TCHP: variants seen among roughly 807,000 people sequenced by gnomAD.
TCHP encodes the protein trichoplein keratin filament-binding protein.
In TCHP, 81 loss-of-function variants were observed where a neutral mutation model predicts 88.7. That is an observed-to-expected ratio of 0.91 (90% CI 0.76 to 1.10). The LOEUF is 1.10. Ranked by LOEUF, TCHP falls within the 50% of genes least tolerant of loss-of-function variation. The probability of loss-of-function intolerance (pLI) is 0.00; values close to 1 mark genes in which losing one functional copy is unlikely to be tolerated. For missense variants in TCHP, 641 were observed against 632.1 expected (o/e 1.01, Z -0.15); for synonymous variants, 232 against 232.5 (o/e 1.00, Z 0.02).
chr12:109,896,983 A>G (rs144241873), upstream of TCHP, among the ~76,000 whole-genome samples: 365 of 152,280 alleles, frequency 2.4e-3, 2 homozygotes, highest in African/African-American at 8.5e-3. Context: ...CATACAAGGC[A>G]TGGCATGGGG....
the TCHP span, among the ~76,000 whole-genome samples, chr12:109,883,555 G>C: frequency 6.6e-6 from 1 of 151,708 alleles, no homozygotes; most frequent in Non-Finnish European, 1.5e-5. Flanking sequence ...TCACTACCTC[G>C]AGCATCCTAT....
At chr12:109,883,120 A>G in the TCHP span, among the ~76,000 whole-genome samples, 1 of 149,984 alleles carries the variant, frequency 6.7e-6, no homozygotes, top group Admixed American at 6.6e-5. Flanking sequence ...TGCAGCCTCA[A>G]CCTTCTGGGC....
At chr12:109,898,715 TGTCCTGAGCTCAA>T (rs1869632894), upstream of TCHP, among the ~76,000 whole-genome samples, 2 of 152,262 alleles carry the variant, frequency 1.3e-5, no homozygotes, top group East Asian at 3.9e-4. Flanking sequence ...GCAGCCTCCT[TGTCCTGAGCTCAA>T]GTGATCCTCC....
At chr12:109,890,698 C>T in the TCHP span, among the ~76,000 whole-genome samples, 1 of 152,050 alleles carries the variant, frequency 6.6e-6, no homozygotes, top group Admixed American at 6.6e-5. Context: ...TTAGTAGAGA[C>T]CGGCTTTCAC....
chr12:109,896,321 T>C (rs551416306), upstream of TCHP, among the ~76,000 whole-genome samples: 15 of 152,344 alleles, frequency 9.8e-5, no homozygotes, highest in South Asian at 2.7e-3. Context: ...ATTCACAGTC[T>C]CAGAGGTTTG....
chr12:109,916,710 A>C lies in TCHP; in HGVS notation c.*87A>C. 7.5e-7 allele frequency: 1 copy of C among 1,339,912 alleles called. No homozygotes were observed. Among genetic ancestry groups the C allele is most frequent in the Non-Finnish European group, 1.0e-6 (1 of 953,834 alleles). The allele number at this position is 1,339,912 out of a possible 1,614,324, so 83.0% of individuals were successfully genotyped here. On this transcript the variant is annotated 3_prime_UTR_variant, in exon 13 of 13. Transcript: ENST00000405876. ...GGCAGTTTTACAGGGCTCTGTTAAC[A>C]GTAAGTGCCCGGGGCACTGTCAGAT...
rs765374834 is a variant in TCHP, at chr12:109,903,576, G to A, written c.189-361G>A. On this transcript the variant is annotated intron_variant, in intron 2 of 12. Transcript: ENST00000405876. This position sits in a 1 kb window ranked among gnomAD's most constrained non-coding sequence, Gnocchi z 4.6. ...TTATAGAAATACGTGTAAAAACATGGAGGCCAAAAGCATAGGCTTTGAAGT... is the reference window on the plus strand; with the variant it reads ...TTATAGAAATACGTGTAAAAACATGAAGGCCAAAAGCATAGGCTTTGAAGT... Among the ~76,000 whole-genome samples, 1 of 152,144 alleles carries A rather than the reference G, an allele frequency of 6.6e-6. No homozygotes were observed. The highest frequency in any genetic ancestry group is 1.5e-5 in the Non-Finnish European group (1 of 68,036).
upstream of TCHP, among the ~76,000 whole-genome samples, chr12:109,899,455 T>C (rs1869659746): frequency 6.6e-6 from 1 of 152,028 alleles, no homozygotes; most frequent in South Asian, 2.1e-4. Context: ...CTGACCAATA[T>C]GGTGAAACCC....
At chr12:109,907,925 T>A (rs1455730249) in intron 6 of TCHP, among the ~76,000 whole-genome samples, 1 of 152,232 alleles carries the variant, frequency 6.6e-6, no homozygotes, top group Non-Finnish European at 1.5e-5. Flanking sequence ...ATGGAGCCAG[T>A]AGCTGTTCTC....
At chr12:109,902,919 T>G in intron 1 of TCHP, 108 bp from the exon 2 acceptor site, 1 of 780,040 alleles carries the variant, frequency 1.3e-6, no homozygotes, top group South Asian at 2.8e-5. Context: ...CCAGTTGATT[T>G]CACTGTGCAG....
At chr12:109,910,442 G>A (rs545270343) in intron 8 of TCHP, among the ~76,000 whole-genome samples, 105 of 152,078 alleles carry the variant, frequency 6.9e-4, no homozygotes, top group Non-Finnish European at 1.3e-3. Flanking sequence ...TCAGCCTCTC[G>A]AGTAGCTGGG....
chr12:109,910,261 C>T (rs1870411397), intron 8 of TCHP, among the ~76,000 whole-genome samples: 1 of 152,236 alleles, frequency 6.6e-6, no homozygotes, highest in Non-Finnish European at 1.5e-5. Context: ...AGCTGCCCTT[C>T]CCATCCCTGC....
Position 109,906,361 on chromosome 12 carries a change from C to T in TCHP, c.457-211C>T, listed in dbSNP as rs559480310. Among the ~76,000 whole-genome samples, 213 of 152,282 alleles carry T rather than the reference C, an allele frequency of 1.4e-3. 1 individual carries two copies. Among genetic ancestry groups the T allele is most frequent in the Non-Finnish European group, 2.1e-3 (144 of 68,016 alleles). On this transcript the variant is annotated intron_variant, in intron 4 of 12. Coordinates refer to ENST00000405876, the MANE Select transcript of TCHP (RefSeq NM_001143852.2). ...AGCTCAAAAGATTGGTGTAGGAGTG[C>T]CTGGTCCTTTGGTCTTCTGATTGAC...
At chr12:109,881,470 C>A in the TCHP span, among the ~76,000 whole-genome samples, 3 of 152,228 alleles carry the variant, frequency 2.0e-5, no homozygotes, top group African/African-American at 7.2e-5. Flanking sequence ...AGAATATTCA[C>A]CAAGTAACCA....
At chr12:109,881,545 G>A in the TCHP span, among the ~76,000 whole-genome samples, 10 of 152,186 alleles carry the variant, frequency 6.6e-5, no homozygotes, top group African/African-American at 2.4e-4. Flanking sequence ...GAGCCTCTAC[G>A]CTCAAGCCTG....
upstream of TCHP, among the ~76,000 whole-genome samples, chr12:109,895,462 T>C (rs568808379): frequency 2.0e-5 from 3 of 152,046 alleles, no homozygotes; most frequent in African/African-American, 7.2e-5. Context: ...CAAGCGATCC[T>C]CCTCGGCCTC....
chr12:109,910,016 G>A (rs983027476), intron 8 of TCHP, among the ~76,000 whole-genome samples: 1 of 152,048 alleles, frequency 6.6e-6, no homozygotes, highest in Non-Finnish European at 1.5e-5. Context: ...GTGCACACCT[G>A]TAATCCCAGA....
At position 109,916,682 on chromosome 12, in the gene TCHP, C is replaced by A. The variant is rs1322295968; in HGVS notation, c.*59C>A. Reference sequence around the variant, plus strand: ...ATGCTGAGGCTTCTGATCCCAGCCGCCAGGCAGTTTTACAGGGCTCTGTTA... The same window carrying A: ...ATGCTGAGGCTTCTGATCCCAGCCGACAGGCAGTTTTACAGGGCTCTGTTA... On this transcript the variant is annotated 3_prime_UTR_variant, in exon 13 of 13. Transcript: ENST00000405876. The A allele has an allele frequency of 2.5e-6, 4 of 1,578,076 alleles. No homozygotes were observed. The highest frequency in any genetic ancestry group is 3.5e-6 in the Non-Finnish European group (4 of 1,155,980).
At chr12:109,909,602 C>T (rs1241152315) in intron 8 of TCHP, among the ~76,000 whole-genome samples, 2 of 152,198 alleles carry the variant, frequency 1.3e-5, no homozygotes, top group Non-Finnish European at 2.9e-5. Flanking sequence ...GGCGGATCAC[C>T]TGAGGTCAGG....
Sources: gnomAD v4.1 joint callset for allele counts (sites outside exome capture counted in the v4.1 genomes callset) on GRCh38, gnomAD v4.1.1 for gene constraint, Gnocchi (gnomAD v3.1) non-coding constraint, MANE v1.5 for transcripts, NCBI Gene and HGNC (gene_info 2026-07-23, HGNC 2026-07-21) for gene names.